Variants in PIK3C2G observed in about 807,000 individuals in gnomAD.
The protein encoded by PIK3C2G is phosphatidylinositol-4-phosphate 3-kinase catalytic subunit type 2 gamma.
Under a neutral mutation model 181.1 loss-of-function variants are expected in PIK3C2G, and 168 were observed. That is an observed-to-expected ratio of 0.93 (90% CI 0.82 to 1.05). The LOEUF (loss-of-function observed/expected upper bound fraction) is 1.05. PIK3C2G is among the 50% of genes least tolerant of loss of function. PIK3C2G has a pLI of 0.00. For synonymous variants in PIK3C2G, 573 were observed against 592.2 expected, an observed-to-expected ratio of 0.97 and a Z score of 0.47; for missense variants, 1,869 against 1,732.8, an observed-to-expected ratio of 1.08 and a Z score of -1.40.
At chr12:18,474,317 C>A (rs530982434) in intron 18 of PIK3C2G, among the ~76,000 whole-genome samples, 1 of 152,046 alleles carries the variant, frequency 6.6e-6, no homozygotes, top group African/African-American at 2.4e-5. Flanking sequence ...GCCTATATTT[C>A]AAGGCCTTAA....
chr12:18,669,011 C>T, the PIK3C2G span, among the ~76,000 whole-genome samples: 2 of 152,108 alleles, frequency 1.3e-5, no homozygotes, highest in African/African-American at 4.8e-5. Context: ...TGAGCAAAAG[C>T]TAGTGCAGAA....
At chr12:18,281,472 G>A (rs1949215566) in intron 1 of PIK3C2G, among the ~76,000 whole-genome samples, 1 of 152,004 alleles carries the variant, frequency 6.6e-6, no homozygotes, top group African/African-American at 2.4e-5. Flanking sequence ...TGAATTTAAT[G>A]TTAGTAGTTT....
At chr12:18,694,803 G>A in the PIK3C2G span, 1 of 936,818 alleles carries the variant, frequency 1.1e-6, no homozygotes, top group South Asian at 1.8e-5. Flanking sequence ...AAGATTAACA[G>A]AAATTTAAAA....
chr12:18,496,775 A>C (rs2136086638), intron 21 of PIK3C2G, among the ~76,000 whole-genome samples: 1 of 152,284 alleles, frequency 6.6e-6, no homozygotes, highest in South Asian at 2.1e-4. Context: ...ACAAGGTCTC[A>C]GAGTGAATCT....
chr12:18,455,118 A>G (rs1231416654), intron 18 of PIK3C2G, among the ~76,000 whole-genome samples: 1 of 152,204 alleles, frequency 6.6e-6, no homozygotes, highest in African/African-American at 2.4e-5. Flanking sequence ...CAAACATACA[A>G]GGATAGCTAA....
intron 24 of PIK3C2G, among the ~76,000 whole-genome samples, chr12:18,535,196 T>C (rs1020281213): frequency 3.3e-5 from 5 of 152,170 alleles, no homozygotes; most frequent in Middle Eastern, 3.4e-3. Flanking sequence ...CTTACAGGAA[T>C]AGATGGGATT....
chr12:18,288,534 A>G (rs1270956230), intron 3 of PIK3C2G, among the ~76,000 whole-genome samples: 5 of 152,210 alleles, frequency 3.3e-5, no homozygotes, highest in Non-Finnish European at 7.4e-5. Flanking sequence ...TTCTTGCTCC[A>G]GTTTATGGGA....
At chr12:18,597,664 A>G (rs997415195) in intron 30 of PIK3C2G, among the ~76,000 whole-genome samples, 30 of 152,150 alleles carry the variant, frequency 2.0e-4, no homozygotes, top group Non-Finnish European at 3.5e-4. Context: ...TAGACAGGAG[A>G]AGGAAATAAA....
chr12:18,388,660 C>G (rs1433077725), intron 14 of PIK3C2G, among the ~76,000 whole-genome samples: 3 of 152,188 alleles, frequency 2.0e-5, no homozygotes, highest in African/African-American at 7.2e-5. Context: ...CCAAAATTGG[C>G]CCAGGGGCAC....
At chr12:18,650,423 A>G (rs1950396486), downstream of PIK3C2G, among the ~76,000 whole-genome samples, 2 of 147,728 alleles carry the variant, frequency 1.4e-5, no homozygotes, top group East Asian at 2.0e-4. Flanking sequence ...AGAGAATTAC[A>G]TAGGAATTTT....
At chr12:18,609,686 C>T (rs535060964) in intron 31 of PIK3C2G, 57 bp downstream of exon 31, 60 of 1,021,168 alleles carry the variant, frequency 5.9e-5, no homozygotes, top group Non-Finnish European at 8.4e-5. Flanking sequence ...AATCACTTAC[C>T]TCCTTTGGGC....
At chr12:18,618,409 T>C (rs762379064) in intron 31 of PIK3C2G, among the ~76,000 whole-genome samples, 5 of 152,182 alleles carry the variant, frequency 3.3e-5, no homozygotes, top group Non-Finnish European at 7.3e-5. Flanking sequence ...CCTTTGCAAA[T>C]TTAACTGAGA....
At chr12:18,452,519 T>G (rs1175120768) in intron 18 of PIK3C2G, among the ~76,000 whole-genome samples, 2 of 152,034 alleles carry the variant, frequency 1.3e-5, no homozygotes, top group Non-Finnish European at 2.9e-5. Context: ...AAAAACAGCT[T>G]CTAGATTCAT....
intron 26 of PIK3C2G, 23 bp downstream of exon 26, chr12:18,546,455 G>A: frequency 1.6e-6 from 2 of 1,229,996 alleles, no homozygotes; most frequent in East Asian, 2.4e-5. Context: ...ATGAATGTGT[G>A]AGCATGCATG....
chr12:18,472,767 T>C (rs1938575418), intron 18 of PIK3C2G, among the ~76,000 whole-genome samples: 1 of 152,130 alleles, frequency 6.6e-6, no homozygotes, highest in Non-Finnish European at 1.5e-5. Context: ...TGGTGTGATC[T>C]TGGCTCACCG....
the PIK3C2G span, chr12:18,694,921 G>A: frequency 1.3e-6 from 2 of 1,593,318 alleles, no homozygotes; most frequent in South Asian, 2.2e-5. Flanking sequence ...CTTATTGTAA[G>A]TGTAATTGGC....
chr12:18,604,540 A>C (rs1947909386), intron 30 of PIK3C2G, among the ~76,000 whole-genome samples: 1 of 152,208 alleles, frequency 6.6e-6, no homozygotes, highest in African/African-American at 2.4e-5. Context: ...CTTGGAGCAA[A>C]TGGACTTAAC....
At chr12:18,423,897 C>A in intron 17 of PIK3C2G, 48 bp from the exon 18 acceptor site, 1 of 1,144,602 alleles carries the variant, frequency 8.7e-7, no homozygotes, top group Non-Finnish European at 1.3e-6. Flanking sequence ...CTGTATTCTG[C>A]TATAATTTTG....
At chr12:18,271,711 T>C (rs1948751951) in intron 1 of PIK3C2G, among the ~76,000 whole-genome samples, 1 of 152,200 alleles carries the variant, frequency 6.6e-6, no homozygotes, top group Non-Finnish European at 1.5e-5. Context: ...CTCATATTGA[T>C]ATCTCTTCTT....
Sources: gnomAD v4.1 joint callset for allele counts (sites outside exome capture counted in the v4.1 genomes callset) on GRCh38, gnomAD v4.1.1 for gene constraint, MANE v1.5 for transcripts, NCBI Gene and HGNC (gene_info 2026-07-23, HGNC 2026-07-21) for gene names.